The following MMP26 variants were observed in gnomAD, a reference collection of about 807,000 sequenced individuals.
MMP26 encodes matrix metalloproteinase-26.
A neutral mutation model predicts 31.0 loss-of-function variants in MMP26; 33 were observed. That is an observed-to-expected ratio of 1.06 (90% CI 0.81 to 1.42). The LOEUF is 1.42. Ranked by LOEUF, MMP26 falls within the 40% of genes most tolerant of loss-of-function variation. The probability of loss-of-function intolerance (pLI) is 0.00; values close to 1 mark genes in which losing one functional copy is unlikely to be tolerated. For synonymous variants in MMP26, 122 were observed against 114.9 expected (o/e 1.06, Z -0.40); for missense variants, 347 against 316.1 (o/e 1.10, Z -0.74).
intron 1 of MMP26, among the ~76,000 whole-genome samples, chr11:4,760,767 A>C (rs966072699): frequency 6.6e-6 from 1 of 152,196 alleles, no homozygotes; most frequent in African/African-American, 2.4e-5. Flanking sequence ...TTGAGAATCA[A>C]ATTAAAAGGA....
intron 2 of MMP26, among the ~76,000 whole-genome samples, chr11:4,868,798 C>G (rs182970431): frequency 2.0e-5 from 3 of 152,158 alleles, no homozygotes; most frequent in African/African-American, 7.2e-5. Context: ...GGAGGCATCA[C>G]GCTACCTGAC....
chr11:4,705,727 C>T (rs1343714363), intron 1 of MMP26, among the ~76,000 whole-genome samples: 1 of 152,152 alleles, frequency 6.6e-6, no homozygotes, highest in African/African-American at 2.4e-5. Context: ...CAGTGGCTCA[C>T]GCCTGTAATC....
intron 2 of MMP26, chr11:4,794,002 T>C (rs933929119): frequency 6.6e-6 from 1 of 152,146 alleles, no homozygotes; most frequent in African/African-American, 2.4e-5. Flanking sequence ...CTAAATACCT[T>C]GGGCAGAGAT....
intron 1 of MMP26, among the ~76,000 whole-genome samples, chr11:4,706,088 T>G (rs2133260951): frequency 6.6e-6 from 1 of 152,208 alleles, no homozygotes; most frequent in East Asian, 1.9e-4. Flanking sequence ...TGAAGAAAGA[T>G]TCTATGAGCT....
At chr11:4,870,139 T>C (rs1402604465) in intron 2 of MMP26, among the ~76,000 whole-genome samples, 1 of 152,020 alleles carries the variant, frequency 6.6e-6, no homozygotes, top group Non-Finnish European at 1.5e-5. Flanking sequence ...AGTTAATGGG[T>C]GCAGCACACT....
chr11:4,723,517 A>G lies in MMP26; in HGVS notation c.-217+18472A>G. On this transcript the variant is annotated intron_variant, in intron 1 of 7. Transcript: ENST00000380390. ...CTCCTCTTCATACAGCTGCCTGAGGAAGTTGATCTCGTCAGTCAGCCCTTC... is the reference window on the plus strand; with the variant it reads ...CTCCTCTTCATACAGCTGCCTGAGGGAGTTGATCTCGTCAGTCAGCCCTTC... 2.5e-6 allele frequency: 3 copies of G among 1,188,380 alleles called. No individual in the cohort carries two copies. In the South Asian group the frequency reaches 3.6e-5, roughly 14 times the overall value. 73.6% of individuals were successfully genotyped at this position (1,188,380 alleles called of 1,614,324 possible).
chr11:4,817,770 A>G (rs1196871265), intron 2 of MMP26, among the ~76,000 whole-genome samples: 4 of 152,206 alleles, frequency 2.6e-5, no homozygotes, highest in South Asian at 2.1e-4. Context: ...ATTTCTAGTC[A>G]TTACACCTTG....
chr11:4,902,093 A>C (rs1850811554), intron 2 of MMP26, among the ~76,000 whole-genome samples: 1 of 152,196 alleles, frequency 6.6e-6, no homozygotes, highest in South Asian at 2.1e-4. Context: ...TTCGTTACAC[A>C]CACAAAAGTA....
At chr11:4,709,551 T>G (rs1847829515) in intron 1 of MMP26, 1 of 423,030 alleles carries the variant, frequency 2.4e-6, no homozygotes, top group East Asian at 7.1e-5. Flanking sequence ...CTCAAAGACA[T>G]CTGCTTCTTC....
intron 2 of MMP26, among the ~76,000 whole-genome samples, chr11:4,962,083 G>A (rs1846529597): frequency 6.6e-6 from 1 of 151,904 alleles, no homozygotes. Flanking sequence ...CCTATCTGCT[G>A]GTAAGCACAA....
intron 1 of MMP26, among the ~76,000 whole-genome samples, chr11:4,741,389 A>C (rs1564898859): frequency 6.6e-6 from 1 of 152,216 alleles, no homozygotes; most frequent in Non-Finnish European, 1.5e-5. Flanking sequence ...TAGCAAAGTC[A>C]TGTAACCAAC....
intron 1 of MMP26, among the ~76,000 whole-genome samples, chr11:4,747,753 G>A (rs1490907319): frequency 3.3e-5 from 5 of 151,888 alleles, no homozygotes; most frequent in Non-Finnish European, 5.9e-5. Context: ...AAGATATTTT[G>A]GTGTTAAAAT....
intron 1 of MMP26, among the ~76,000 whole-genome samples, chr11:4,746,354 T>C (rs2133296812): frequency 6.6e-6 from 1 of 152,356 alleles, no homozygotes; most frequent in African/African-American, 2.4e-5. Context: ...TATTGAGATT[T>C]CTTGAAAGAA....
chr11:4,873,437 C>T lies in MMP26; in HGVS notation c.-145+106096C>T, dbSNP rs1426738617. 2.6e-5 allele frequency among the ~76,000 whole-genome samples: 4 copies of T among 152,216 alleles called. No homozygotes were observed. The East Asian group carries it at 7.7e-4, about 29-fold the overall frequency. ...ATGATAAAGTGCAAAGTCATTGAGA[C>T]AGATCCACCAAATCCACTGTCTTGA... On this transcript the variant is annotated intron_variant, in intron 2 of 7. Transcript: ENST00000380390.
At chr11:4,707,029 G>T (rs1039800204) in intron 1 of MMP26, among the ~76,000 whole-genome samples, 13 of 152,142 alleles carry the variant, frequency 8.5e-5, no homozygotes, top group Non-Finnish European at 7.4e-5. Context: ...GACTAATTCT[G>T]CAATGAATAT....
In MMP26 at chr11:4,730,768, T is replaced by G. The variant is rs1693092857; in HGVS notation, c.-217+25723T>G. On this transcript the variant is annotated intron_variant, in intron 1 of 7. Coordinates refer to ENST00000380390, the MANE Select transcript of MMP26 (RefSeq NM_021801.5). The stretch of plus-strand genomic sequence containing the variant: ...ACTAACCATATGAGATGACAAGAAC[T>G]CCCAAGGATAGCTGGTAGACCCTAC... Among the ~76,000 whole-genome samples the G allele has an allele frequency of 2.0e-5, 3 of 151,998 alleles. No homozygotes were observed. The South Asian group carries it at 6.2e-4, about 32-fold the overall frequency.
intron 2 of MMP26, chr11:4,847,591 T>G (rs1228758853): frequency 1.3e-5 from 2 of 152,248 alleles, no homozygotes; most frequent in Admixed American, 1.3e-4. Flanking sequence ...ATTTCTCATT[T>G]CTTTGTGTTG....
At chr11:4,838,618 T>C (rs1215505028) in intron 2 of MMP26, among the ~76,000 whole-genome samples, 1 of 152,138 alleles carries the variant, frequency 6.6e-6, no homozygotes, top group East Asian at 1.9e-4. Context: ...TGGAACATTA[T>C]GATTATGTCG....
At chr11:4,766,089 A>G (rs549961667) in intron 1 of MMP26, among the ~76,000 whole-genome samples, 2 of 152,278 alleles carry the variant, frequency 1.3e-5, no homozygotes, top group East Asian at 3.9e-4. Flanking sequence ...TCCTTGATCA[A>G]CCATTCTCAC....
Sources: allele counts gnomAD v4.1 joint callset (sites outside exome capture counted in the v4.1 genomes callset), GRCh38; gene constraint gnomAD v4.1.1; transcripts MANE v1.5; gene names NCBI Gene and HGNC (gene_info 2026-07-23, HGNC 2026-07-21).